The following GRK3 variants were observed in gnomAD, a reference collection of about 807,000 sequenced individuals.
GRK3 encodes G protein-coupled receptor kinase 3.
Under a neutral mutation model 95.7 loss-of-function variants are expected in GRK3, and 54 were observed. The observed-to-expected ratio is 0.56, with a 90% CI of 0.45 to 0.71. The LOEUF is 0.71. GRK3 is among the 30% of genes least tolerant of loss of function. The pLI, the probability that GRK3 is intolerant of heterozygous loss-of-function variation, is 0.00. For missense variants in GRK3, 649 were observed against 851.2 expected, an observed-to-expected ratio of 0.76 and a Z score of 2.96; for synonymous variants, 281 against 290.8, an observed-to-expected ratio of 0.97 and a Z score of 0.34.
Position 25,693,860 on chromosome 22 carries a change from A to ACCTCTG in GRK3, c.1053-1230_1053-1225dup, listed in dbSNP as rs1171840761. On this transcript the variant is annotated intron_variant, in intron 12 of 20. Transcript: ENST00000324198. Reference sequence around the variant, plus strand: ...AATGGCACCATCTCAGCTCACCATAACCTCTGCCTCTGCCTCTGCCTCCCA... The same window carrying ACCTCTG: ...AATGGCACCATCTCAGCTCACCATAACCTCTGCCTCTGCCTCTGCCTCTGCCTCCCA... Among the ~76,000 whole-genome samples the ACCTCTG allele has an allele frequency of 1.4e-3, 213 of 148,578 alleles. 3 individuals are homozygous for ACCTCTG. Among genetic ancestry groups the ACCTCTG allele is most frequent in the African/African-American group, 4.7e-3 (189 of 40,262 alleles).
chr22:25,660,614 T>A (rs2084903349), intron 3 of GRK3, among the ~76,000 whole-genome samples: 1 of 152,158 alleles, frequency 6.6e-6, no homozygotes, highest in African/African-American at 2.4e-5. Flanking sequence ...TAAATAGGAT[T>A]TGCTGGTTTT....
rs546444721 is a variant in GRK3 at position 25,713,021 on chromosome 22, A to G, written c.1492-1387A>G. Reference sequence around the variant, plus strand: ...GGGGGAAAACTCACCTCATGTAAACATAAGTTCTTTTTTAAAAAAATTCAT... The same window carrying G: ...GGGGGAAAACTCACCTCATGTAAACGTAAGTTCTTTTTTAAAAAAATTCAT... On this transcript the variant is annotated intron_variant, in intron 17 of 20. Coordinates refer to ENST00000324198, the MANE Select transcript of GRK3 (RefSeq NM_005160.4). Among the ~76,000 whole-genome samples, 8 of 152,380 alleles carry G rather than the reference A, an allele frequency of 5.3e-5. No individual in the cohort carries two copies. In the East Asian group the frequency reaches 9.6e-4, roughly 18 times the overall value.
intron 1 of GRK3, among the ~76,000 whole-genome samples, chr22:25,592,865 A>G (rs1932541827): frequency 6.6e-6 from 1 of 151,704 alleles, no homozygotes; most frequent in Non-Finnish European, 1.5e-5. Context: ...GGTTATGTCC[A>G]TGAGTACCCA....
intron 2 of GRK3, among the ~76,000 whole-genome samples, chr22:25,640,589 T>G (rs2084735867): frequency 6.6e-6 from 1 of 152,214 alleles, no homozygotes; most frequent in South Asian, 2.1e-4. Context: ...GTATTTTTTC[T>G]TGCAAGAAAA....
At chr22:25,598,697 CCCATATTGAT>C (rs1201740143) in intron 1 of GRK3, among the ~76,000 whole-genome samples, 2 of 151,594 alleles carry the variant, frequency 1.3e-5, no homozygotes, top group South Asian at 2.1e-4. Context: ...GGCAATTCTT[CCCATATTGAT>C]CCATATTGAT....
intron 2 of GRK3, among the ~76,000 whole-genome samples, chr22:25,632,985 A>C (rs1412932683): frequency 1.3e-5 from 2 of 152,056 alleles, no homozygotes; most frequent in Non-Finnish European, 2.9e-5. Flanking sequence ...ATCTTGGCTC[A>C]CTGCAACCTC....
chr22:25,698,972 A>T (rs150524908), intron 13 of GRK3, among the ~76,000 whole-genome samples: 1 of 152,254 alleles, frequency 6.6e-6, no homozygotes, highest in East Asian at 1.9e-4. Flanking sequence ...TGCAATTTAG[A>T]TTCAAGATGA....
rs1312874617 is a variant in GRK3, at chr22:25,724,852, TG to T, written c.*2403del. ...TAAACATCATGGTATACTTGGCTGTTGTTTTTTTTTAATTTTTTAATTTTTT... is the reference window on the plus strand; with the variant it reads ...TAAACATCATGGTATACTTGGCTGTTTTTTTTTTTAATTTTTTAATTTTTT... On this transcript the variant is annotated 3_prime_UTR_variant, in exon 21 of 21. Coordinates refer to ENST00000324198, the MANE Select transcript of GRK3 (RefSeq NM_005160.4). 1 of 152,080 alleles carries T rather than the reference TG, an allele frequency of 6.6e-6. No individual in the cohort carries two copies. Among genetic ancestry groups the T allele is most frequent in the Non-Finnish European group, 1.5e-5 (1 of 68,018 alleles). 9.4% of individuals were successfully genotyped at this position (152,080 alleles called of 1,614,324 possible).
intron 1 of GRK3, among the ~76,000 whole-genome samples, chr22:25,586,451 T>C (rs1932308600): frequency 3.3e-5 from 5 of 152,422 alleles, no homozygotes; most frequent in African/African-American, 1.2e-4. Context: ...ACATTGCATG[T>C]CTATATCAAA....
At chr22:25,703,914 T>C (rs2085278493) in intron 14 of GRK3, among the ~76,000 whole-genome samples, 195 bp from the exon 15 acceptor site, 1 of 152,360 alleles carries the variant, frequency 6.6e-6, no homozygotes, top group Non-Finnish European at 1.5e-5. Flanking sequence ...CCGGTTCTTC[T>C]GATCTGCCCC....
intron 3 of GRK3, among the ~76,000 whole-genome samples, chr22:25,658,329 A>G (rs2084886999): frequency 6.6e-6 from 1 of 152,136 alleles, no homozygotes; most frequent in Admixed American, 6.5e-5. Context: ...GGATTTTTTC[A>G]TCTGTTCGTT....
chr22:25,671,380 A>G (rs922200303), intron 6 of GRK3, among the ~76,000 whole-genome samples: 11 of 152,228 alleles, frequency 7.2e-5, no homozygotes, highest in African/African-American at 2.2e-4. Flanking sequence ...CCTTACAGAT[A>G]TATTGCTCAT....
At chr22:25,635,158 A>T (rs1569172891) in intron 2 of GRK3, among the ~76,000 whole-genome samples, 1 of 152,232 alleles carries the variant, frequency 6.6e-6, no homozygotes, top group Non-Finnish European at 1.5e-5. Flanking sequence ...GCCCAAGACA[A>T]TTCTTCTTCC....
intron 1 of GRK3, among the ~76,000 whole-genome samples, chr22:25,593,725 T>G (rs1932575795): frequency 6.6e-6 from 1 of 152,170 alleles, no homozygotes; most frequent in Non-Finnish European, 1.5e-5. Flanking sequence ...CAATTTTTGT[T>G]TTCTTTGCAG....
At chr22:25,633,169 G>A (rs113642172) in intron 2 of GRK3, among the ~76,000 whole-genome samples, 15,321 of 151,830 alleles carry the variant, frequency 0.1, 1,091 homozygotes, top group Non-Finnish European at 0.15. Flanking sequence ...CACCCGCCTC[G>A]GCCTCCCAAA....
intron 2 of GRK3, among the ~76,000 whole-genome samples, chr22:25,606,061 C>T (rs976957349): frequency 6.6e-6 from 1 of 152,088 alleles, no homozygotes; most frequent in African/African-American, 2.4e-5. Context: ...TTTCCATAGC[C>T]TGGATTAAAA....
intron 4 of GRK3, among the ~76,000 whole-genome samples, chr22:25,662,285 C>A (rs1419508116): frequency 6.6e-6 from 1 of 152,228 alleles, no homozygotes. Flanking sequence ...GCCTGACAGT[C>A]CTGGCCTGCT....
intron 6 of GRK3, among the ~76,000 whole-genome samples, chr22:25,670,364 G>C (rs937805006): frequency 6.6e-6 from 1 of 152,164 alleles, no homozygotes; most frequent in Non-Finnish European, 1.5e-5. Context: ...AGCTTAGTGC[G>C]GTGGTGTGTG....
At chr22:25,710,870 A>T (rs1011544978) in intron 16 of GRK3, among the ~76,000 whole-genome samples, 198 bp from the exon 17 acceptor site, 5 of 152,260 alleles carry the variant, frequency 3.3e-5, no homozygotes, top group Admixed American at 3.3e-4. Context: ...TGTCTAAAAT[A>T]TAGGGCCTTC....
Sources: allele counts gnomAD v4.1 joint callset (sites outside exome capture counted in the v4.1 genomes callset), GRCh38; gene constraint gnomAD v4.1.1; transcripts MANE v1.5; gene names NCBI Gene and HGNC (gene_info 2026-07-23, HGNC 2026-07-21).